FADS6: variants seen among roughly 807,000 people sequenced by gnomAD.
FADS6 encodes fatty acid desaturase domain family, member 6.
FADS6 carries 28 observed loss-of-function variants against 31.7 expected under a neutral mutation model. That is an observed-to-expected ratio of 0.88 (90% CI 0.66 to 1.21). The LOEUF is 1.21. Among genes scored for constraint, FADS6 ranks in the 50% most tolerant of loss-of-function variants. FADS6 has a pLI of 0.00. For missense variants in FADS6, 494 were observed against 504.2 expected, an observed-to-expected ratio of 0.98 and a Z score of 0.19; for synonymous variants, 191 against 213.1, an observed-to-expected ratio of 0.90 and a Z score of 0.90.
chr17:74,886,823 T>C (rs1220185590), intron 2 of FADS6, among the ~76,000 whole-genome samples: 1 of 152,130 alleles, frequency 6.6e-6, no homozygotes, highest in East Asian at 1.9e-4. Flanking sequence ...ACAGCCTTTG[T>C]CCATACATTT....
intron 5 of FADS6, 37 bp from the exon 6 acceptor site, chr17:74,878,514 G>T (rs755559810): frequency 6.2e-7 from 1 of 1,607,332 alleles, no homozygotes; most frequent in Non-Finnish European, 8.5e-7. Flanking sequence ...CTATGAGCAG[G>T]GGCTGTGGGC....
At position 74,892,704 on chromosome 17, in the gene FADS6, G is replaced by A. The variant is rs759382803; in HGVS notation, c.245-15C>T. On this transcript the variant is annotated splice_polypyrimidine_tract_variant and intron_variant, in intron 1 of 5. Coordinates refer to ENST00000612771, the MANE Select transcript of FADS6 (RefSeq NM_178128.6). Reference sequence around the variant, plus strand: ...GCACAGGAAGCCTGCGTGGAGAGGAGGAAGAAGACGGGTCTTTCTCTAGCT... The same window carrying A: ...GCACAGGAAGCCTGCGTGGAGAGGAAGAAGAAGACGGGTCTTTCTCTAGCT... The A allele has an allele frequency of 6.2e-7, 1 of 1,602,696 alleles. No individual in the cohort carries two copies. The highest frequency in any genetic ancestry group is 1.3e-5 in the African/African-American group (1 of 74,754).
intron 2 of FADS6, among the ~76,000 whole-genome samples, chr17:74,885,863 TA>T (rs1177738536): frequency 6.6e-6 from 1 of 152,106 alleles, no homozygotes; most frequent in Non-Finnish European, 1.5e-5. Flanking sequence ...GTTTAAAAAC[TA>T]AATGAGGGGC....
At chr17:74,885,910 T>C (rs2038616823) in intron 2 of FADS6, among the ~76,000 whole-genome samples, 1 of 151,996 alleles carries the variant, frequency 6.6e-6, no homozygotes, top group Non-Finnish European at 1.5e-5. Flanking sequence ...TCCCAGCACT[T>C]TAGGTGGCCA....
At chr17:74,879,792 C>T (rs2038548614) in intron 4 of FADS6, among the ~76,000 whole-genome samples, 1 of 152,188 alleles carries the variant, frequency 6.6e-6, no homozygotes, top group South Asian at 2.1e-4. Context: ...CCCTCCCCAT[C>T]TGAACAGTGA....
intron 2 of FADS6, among the ~76,000 whole-genome samples, chr17:74,884,261 GAA>G (rs2038601761): frequency 6.6e-6 from 1 of 152,166 alleles, no homozygotes. Context: ...GAGCCAGCCC[GAA>G]GAGTTCCCTG....
chr17:74,882,756 A>C, intron 2 of FADS6, 46 bp from the exon 3 acceptor site: 2 of 1,576,198 alleles, frequency 1.3e-6, no homozygotes, highest in Non-Finnish European at 1.7e-6. Flanking sequence ...TGTCAGGCAC[A>C]GTTGAGCAAT....
intron 2 of FADS6, among the ~76,000 whole-genome samples, chr17:74,888,126 C>CCACACACACACACACA (rs1165268903): frequency 7.8e-6 from 1 of 127,986 alleles, no homozygotes; most frequent in Non-Finnish European, 1.7e-5. Context: ...AGCTGAGACA[C>CCACACACACACACACA]CACACACACA....
intron 2 of FADS6, among the ~76,000 whole-genome samples, chr17:74,889,243 A>G (rs2038663146): frequency 6.6e-6 from 1 of 152,168 alleles, no homozygotes; most frequent in Non-Finnish European, 1.5e-5. Context: ...AGGCTGCAGC[A>G]TTTGCCAAAC....
At chr17:74,893,047 G>A (rs2144729604) in intron 1 of FADS6, among the ~76,000 whole-genome samples, 1 of 151,996 alleles carries the variant, frequency 6.6e-6, no homozygotes, top group Middle Eastern at 3.4e-3. Context: ...CCTTCCCGGG[G>A]GTGGGGGGGC....
At chr17:74,882,920 C>T (rs1198929625) in intron 2 of FADS6, 7 of 1,358,132 alleles carry the variant, frequency 5.2e-6, no homozygotes, top group South Asian at 1.5e-5. Flanking sequence ...CAATCGTGTC[C>T]GTTTGACGAG....
chr17:74,879,504 G>A lies in FADS6; in HGVS notation c.860C>T (p.Ala287Val), dbSNP rs1489781020. 1.2e-6 allele frequency: 2 copies of A among 1,613,806 alleles called. No homozygotes were observed. Among genetic ancestry groups the A allele is most frequent in the Non-Finnish European group, 1.7e-6 (2 of 1,179,876 alleles). Residue 287 changes from alanine to valine, a missense_variant, in exon 5 of 6, where the codon GCC (alanine) becomes GTC (valine). Transcript: ENST00000612771. ...CGCCCAGTCCAGCACGGGCAGCCGG[G>A]CCAGGTTAAGCACCCCCAGGCTCAT... ...HMMSLGVLNLARLPVLDWAFG... is the reference protein window; with the variant it reads ...HMMSLGVLNLVRLPVLDWAFG...
rs1224741276 is a variant in FADS6, at chr17:74,882,629, C to A, written c.493G>T (p.Gly165Trp). The A allele has an allele frequency of 6.2e-7, 1 of 1,611,250 alleles. No homozygotes were observed. The highest frequency in any genetic ancestry group is 2.2e-5 in the East Asian group (1 of 44,820). ...HHAYTNVVGL[G>W]DSSTWRLPCL... The stretch of plus-strand genomic sequence containing the variant: ...GGCAGCCTCCACGTGCTGGAGTCCC[C>A]CAGGCCCACCACGTTGGTGTAGGCA... Residue 165 changes from glycine to tryptophan, a missense_variant, in exon 3 of 6, where the codon GGG (glycine) becomes TGG (tryptophan). By Grantham distance (184) the Gly-to-Trp change is radical. Around this residue, in one of 2 missense-constraint regions of FADS6, gnomAD observed 454 missense variants for 438.5 expected, o/e 1.04. Coordinates refer to ENST00000612771, the MANE Select transcript of FADS6 (RefSeq NM_178128.6).
chr17:74,877,825 C>T lies in FADS6; in HGVS notation c.*506G>A, dbSNP rs2038522126. 6.1e-6 allele frequency: 6 copies of T among 986,430 alleles called. No individual in the cohort carries two copies. Among genetic ancestry groups the T allele is most frequent in the Middle Eastern group, 5.2e-4 (1 of 1,918 alleles). 61.1% of individuals were successfully genotyped at this position (986,430 alleles called of 1,614,324 possible). ...AAGGCCTGCCAAAAGCAAGCTCACCCTAAGGTCCCCGGGGAGAGGGCACCT... is the reference window on the plus strand; with the variant it reads ...AAGGCCTGCCAAAAGCAAGCTCACCTTAAGGTCCCCGGGGAGAGGGCACCT... On this transcript the variant is annotated 3_prime_UTR_variant, in exon 6 of 6. Transcript: ENST00000612771.
At chr17:74,884,857 G>A (rs943323201) in intron 2 of FADS6, among the ~76,000 whole-genome samples, 4 of 151,972 alleles carry the variant, frequency 2.6e-5, no homozygotes, top group African/African-American at 7.3e-5. Context: ...ATAGTCACAC[G>A]CCACCACACC....
chr17:74,886,246 A>AAAG (rs2038621306), intron 2 of FADS6, among the ~76,000 whole-genome samples: 2 of 150,290 alleles, frequency 1.3e-5, no homozygotes, highest in African/African-American at 4.9e-5. Context: ...CTCAAAAAAA[A>AAAG]AAAAAAAAAA....
At chr17:74,879,065 G>A (rs760663751) in intron 5 of FADS6, 14 of 175,694 alleles carry the variant, frequency 8.0e-5, no homozygotes, top group Admixed American at 1.3e-4. Context: ...TTTGAGACAG[G>A]GTCTTACTCT....
chr17:74,888,154 A>ACGCGCGCGCG (rs67402175), intron 2 of FADS6, among the ~76,000 whole-genome samples: 6 of 134,736 alleles, frequency 4.5e-5, no homozygotes, highest in Non-Finnish European at 6.3e-5. Context: ...ACACACACAC[A>ACGCGCGCGCG]CGCGCGCGCG....
At chr17:74,884,005 C>T (rs1352506288) in intron 2 of FADS6, among the ~76,000 whole-genome samples, 1 of 152,166 alleles carries the variant, frequency 6.6e-6, no homozygotes, top group Non-Finnish European at 1.5e-5. Context: ...TTCACATAAG[C>T]ATTGTCGGAC....
Sources: allele counts gnomAD v4.1 joint callset (sites outside exome capture counted in the v4.1 genomes callset), GRCh38; gene constraint gnomAD v4.1.1; regional missense constraint gnomAD v4.1.1; transcripts MANE v1.5; gene names NCBI Gene and HGNC (gene_info 2026-07-23, HGNC 2026-07-21).